The following KIF7 variants were observed in gnomAD, a reference collection of about 807,000 sequenced individuals.
The protein encoded by KIF7 is kinesin family member 7.
KIF7 carries 104 observed loss-of-function variants against 135.7 expected under a neutral mutation model. The observed-to-expected ratio is 0.77, with a 90% CI of 0.65 to 0.90. The LOEUF is 0.90. Among genes scored for constraint, KIF7 ranks in the 40% least tolerant of loss-of-function variants. The pLI, the probability that KIF7 is intolerant of heterozygous loss-of-function variation, is 0.00. For synonymous variants in KIF7, 883 were observed against 809.4 expected (o/e 1.09, Z -1.54); for missense variants, 2,005 against 1,839.1 (o/e 1.09, Z -1.65).
intron 1 of KIF7, chr15:89,619,864 C>T: frequency 6.3e-7 from 1 of 1,589,666 alleles, no homozygotes; most frequent in Non-Finnish European, 8.5e-7. Flanking sequence ...GCCCCTCTGC[C>T]TTCACAAGTC....
At chr15:89,657,329 AGAG>A (rs1478978584), upstream of KIF7, among the ~76,000 whole-genome samples, 13 of 25,172 alleles carry the variant, frequency 5.2e-4, no homozygotes, top group South Asian at 1.0e-3. Context: ...AAAAAAAAAA[AGAG>A]AGAGAGACAG....
In KIF7 at chr15:89,647,399, T is replaced by TG. The variant is rs1201437544; in HGVS notation, c.1560+196dup. Among the ~76,000 whole-genome samples, 17 of 152,214 alleles carry TG rather than the reference T, an allele frequency of 1.1e-4. No homozygotes were observed. In the East Asian group the frequency reaches 3.3e-3, roughly 29 times the overall value. On this transcript the variant is annotated intron_variant, in intron 6 of 18. Coordinates refer to ENST00000394412, the MANE Select transcript of KIF7 (RefSeq NM_198525.3). ...CTCACACCACCCAGCAAAGCTGCCC[T>TG]GCCTGGCGGTCCTGCACACCCACCT...
rs959036678 is a variant in KIF7, at chr15:89,647,816, C to G, written c.1444-104G>C. ...TGCTTTCTATCTACTCTTCCAAGCC[C>G]TACCTGCAGTGGGAACTCCAGACCC... On this transcript the variant is annotated intron_variant, in intron 5 of 18. Transcript: ENST00000394412. The G allele has an allele frequency of 6.4e-6, 6 of 939,734 alleles. No homozygotes were observed. The South Asian group carries it at 9.6e-5, about 15-fold the overall frequency. 58.2% of individuals were successfully genotyped at this position (939,734 alleles called of 1,614,324 possible). A position where few individuals can be genotyped will look rare whatever the true frequency, so the allele number is the denominator to read the frequency against.
chr15:89,629,697 C>T (rs1963630817), intron 16 of KIF7, 124 bp from the exon 17 acceptor site: 18 of 1,319,200 alleles, frequency 1.4e-5, no homozygotes, highest in Middle Eastern at 1.8e-4. Flanking sequence ...CAGGGTCTTC[C>T]CTGCTGAGCC....
chr15:89,637,759 T>C (rs1270612253), intron 11 of KIF7, among the ~76,000 whole-genome samples: 15 of 145,472 alleles, frequency 1.0e-4, no homozygotes, highest in African/African-American at 2.8e-4. Context: ...GAACTGGTAC[T>C]ATTCCTTCTG....
intron 1 of KIF7, among the ~76,000 whole-genome samples, chr15:89,654,947 C>G (rs773173124): frequency 4.6e-5 from 7 of 152,260 alleles, no homozygotes; most frequent in Non-Finnish European, 1.0e-4. Context: ...GTGAGCGTTC[C>G]GAGCCCGGTG....
At chr15:89,624,156 G>T, downstream of KIF7, 1 of 1,613,950 alleles carries the variant, frequency 6.2e-7, no homozygotes, top group Non-Finnish European at 8.5e-7. Context: ...AACCAGCCCA[G>T]AAACTAAAGG....
In KIF7 at chr15:89,629,591, C is replaced by G; in HGVS notation, c.3319-18G>C. Reference sequence around the variant, plus strand: ...GTCACCACCTGTCCCAAGACCCAGCCAGGCTCAGCCCTCATCATGACCCCT... The same window carrying G: ...GTCACCACCTGTCCCAAGACCCAGCGAGGCTCAGCCCTCATCATGACCCCT... On this transcript the variant is annotated intron_variant, in intron 16 of 18. Coordinates refer to ENST00000394412, the MANE Select transcript of KIF7 (RefSeq NM_198525.3). 6.2e-7 allele frequency: 1 copy of G among 1,602,868 alleles called. No individual in the cohort carries two copies.
intron 6 of KIF7, 108 bp downstream of exon 6, chr15:89,647,488 C>T: frequency 2.1e-6 from 2 of 957,104 alleles, no homozygotes; most frequent in Non-Finnish European, 1.7e-6. Flanking sequence ...TACACCCCTA[C>T]CCCGCAGTAC....
At chr15:89,642,454 G>A in intron 10 of KIF7, 49 bp from the exon 11 acceptor site, 1 of 1,503,484 alleles carries the variant, frequency 6.7e-7, no homozygotes, top group Non-Finnish European at 9.0e-7. Flanking sequence ...TCCACCGAGA[G>A]GGCCAGCTGT....
Position 89,620,862 on chromosome 15 carries a change from A to G in KIF7, c.181-2667T>C, listed in dbSNP as rs183463559. On this transcript the variant is annotated intron_variant and NMD_transcript_variant, in intron 1 of 2. Transcript: ENST00000558928. ...CTCAGCCTCCTGAGTAGCTGGGACT[A>G]CAGGCGCCCGCCACCACGCCCAGCT... Among the ~76,000 whole-genome samples, 53 of 151,998 alleles carry G rather than the reference A, an allele frequency of 3.5e-4. No homozygotes were observed. In the East Asian group the frequency reaches 9.9e-3, roughly 28 times the overall value.
rs372753898 is a variant in KIF7, at chr15:89,632,913, C to G, written c.2802G>C (p.Glu934Asp). ...QQRRALEELG[E>D]ELHKREAILA... ...GGATGGCCTCCCGCTTGTGGAGCTC[C>G]TCCCCCAGCTCCTCCAGCGCCCGCC... is the stretch of plus-strand genomic sequence containing the variant. Residue 934 changes from glutamate (E) to aspartate (D), a missense_variant, in exon 14 of 19, where the codon GAG becomes GAC. Glu to Asp is a conservative substitution (Grantham distance 45). Coordinates refer to ENST00000394412, the MANE Select transcript of KIF7 (RefSeq NM_198525.3). The G allele has an allele frequency of 1.6e-5, 26 of 1,610,250 alleles. No homozygotes were observed. The highest frequency in any genetic ancestry group is 2.1e-5 in the Non-Finnish European group (25 of 1,179,808).
intron 11 of KIF7, among the ~76,000 whole-genome samples, chr15:89,635,823 G>C (rs561993803): frequency 7.9e-5 from 12 of 152,254 alleles, no homozygotes; most frequent in East Asian, 1.9e-4. Flanking sequence ...GGAAATAACA[G>C]AGAACGCCAC....
the KIF7 span, among the ~76,000 whole-genome samples, chr15:89,660,826 G>A: frequency 2.0e-5 from 3 of 152,192 alleles, no homozygotes; most frequent in African/African-American, 7.2e-5. Flanking sequence ...ACAAGGAGAG[G>A]ACTTGTGGTG....
Position 89,647,841 on chromosome 15 carries a change from C to A in KIF7, c.1444-129G>T, listed in dbSNP as rs1444004377. ...CTACCTGCAGTGGGAACTCCAGACC[C>A]ACTGGTGGGAGGAAACCCCAGACCC... On this transcript the variant is annotated intron_variant, in intron 5 of 18. Coordinates refer to ENST00000394412, the MANE Select transcript of KIF7 (RefSeq NM_198525.3). 1.8e-5 allele frequency: 14 copies of A among 788,776 alleles called. No homozygotes were observed. The East Asian group carries it at 3.8e-4, about 21-fold the overall frequency. The allele number at this position is 788,776 out of a possible 1,614,324, so 48.9% of individuals were successfully genotyped here.
At chr15:89,629,710 G>T in intron 16 of KIF7, 137 bp from the exon 17 acceptor site, 1 of 1,192,532 alleles carries the variant, frequency 8.4e-7, no homozygotes, top group Non-Finnish European at 1.2e-6. Flanking sequence ...GCTGAGCCAA[G>T]ACTCAGCCTC....
intron 16 of KIF7, 30 bp from the exon 17 acceptor site, chr15:89,629,603 T>A (rs72750748): frequency 5.0e-6 from 8 of 1,600,602 alleles, no homozygotes; most frequent in South Asian, 3.3e-5. Context: ...GGCTCAGCCC[T>A]CATCATGACC....
chr15:89,654,745 C>T (rs1357275834), intron 1 of KIF7, among the ~76,000 whole-genome samples: 3 of 152,178 alleles, frequency 2.0e-5, no homozygotes, highest in Non-Finnish European at 4.4e-5. Context: ...CTTTCCCTGC[C>T]CTCCCTCCTC....
At chr15:89,661,907 G>C in the KIF7 span, among the ~76,000 whole-genome samples, 1 of 152,064 alleles carries the variant, frequency 6.6e-6, no homozygotes, top group Non-Finnish European at 1.5e-5. Flanking sequence ...GCCAATTTTT[G>C]TATTTTTAAT....
Sources: allele counts gnomAD v4.1 joint callset (sites outside exome capture counted in the v4.1 genomes callset), GRCh38; gene constraint gnomAD v4.1.1; transcripts MANE v1.5; gene names NCBI Gene and HGNC (gene_info 2026-07-23, HGNC 2026-07-21).